Variants in FAM174B observed in about 807,000 individuals in gnomAD.
FAM174B encodes family with sequence similarity 174 member B.
Under a neutral mutation model 10.9 loss-of-function variants are expected in FAM174B, and 12 were observed. The ratio of observed to expected loss-of-function variants is 1.10; its 90% CI spans 0.71 to 1.79. FAM174B has a LOEUF of 1.79. Among genes scored for constraint, FAM174B ranks in the 40% most tolerant of loss-of-function variants. The pLI, the probability that FAM174B is intolerant of heterozygous loss-of-function variation, is 0.00. For synonymous variants in FAM174B, 132 were observed against 115.8 expected (o/e 1.14, Z -0.90); for missense variants, 266 against 233.3 (o/e 1.14, Z -0.91).
intron 1 of FAM174B, among the ~76,000 whole-genome samples, chr15:92,649,796 G>A (rs1022662109): frequency 1.6e-4 from 25 of 152,122 alleles, no homozygotes; most frequent in African/African-American, 4.1e-4. Flanking sequence ...AAAATCCTTC[G>A]GCTTGCTCTC....
intron 1 of FAM174B, among the ~76,000 whole-genome samples, chr15:92,653,826 G>A (rs1010952366): frequency 6.6e-6 from 1 of 152,266 alleles, no homozygotes; most frequent in African/African-American, 2.4e-5. Context: ...CAAGGTACTA[G>A]GCTCAGAAGC....
rs759480115 is a variant in FAM174B, at chr15:92,650,992, T to C, written c.344+4324A>G. Among the ~76,000 whole-genome samples the C allele has an allele frequency of 7.4e-4, 112 of 152,186 alleles. 1 individual carries two copies. The highest frequency in any genetic ancestry group is 2.2e-3 in the Admixed American group (33 of 15,286). On this transcript the variant is annotated intron_variant, in intron 1 of 2. Coordinates refer to ENST00000327355, the MANE Select transcript of FAM174B (RefSeq NM_207446.3). ...TGGTTTGCCTTAATGATGAAATACA[T>C]TTAAAAAGGTGGACGTGATTCTACA...
intron 2 of FAM174B, among the ~76,000 whole-genome samples, chr15:92,629,421 C>A (rs953137525): frequency 5.3e-5 from 8 of 152,190 alleles, no homozygotes; most frequent in Non-Finnish European, 1.0e-4. Flanking sequence ...TGGAGCTCAT[C>A]GGTAAACTCC....
intron 2 of FAM174B, among the ~76,000 whole-genome samples, chr15:92,627,687 T>C (rs1004085492): frequency 5.3e-5 from 8 of 152,216 alleles, no homozygotes; most frequent in Non-Finnish European, 8.8e-5. Context: ...TCACCAAAGA[T>C]TGATGAGACG....
chr15:92,629,089 C>G (rs1227876356), intron 2 of FAM174B, among the ~76,000 whole-genome samples: 2 of 151,940 alleles, frequency 1.3e-5, no homozygotes, highest in African/African-American at 4.8e-5. Context: ...CAAGGACCGC[C>G]AAGGCTGTGC....
chr15:92,631,096 ACG>A (rs1260889326), intron 1 of FAM174B, among the ~76,000 whole-genome samples: 6 of 58,080 alleles, frequency 1.0e-4, no homozygotes, highest in African/African-American at 3.8e-4. Context: ...ATTATATATT[ACG>A]TATTACATAT....
chr15:92,650,351 G>A (rs1418909145), intron 1 of FAM174B, among the ~76,000 whole-genome samples: 2 of 152,150 alleles, frequency 1.3e-5, no homozygotes. Flanking sequence ...ATGTCAGACC[G>A]CTTAGAATTC....
At chr15:92,621,838 G>A (rs2050721641) in intron 2 of FAM174B, among the ~76,000 whole-genome samples, 1 of 152,048 alleles carries the variant, frequency 6.6e-6, no homozygotes, top group African/African-American at 2.4e-5. Flanking sequence ...CTGCAAAGAG[G>A]AAGGGACTAA....
chr15:92,637,993 G>A lies in FAM174B; in HGVS notation c.345-7648C>T, dbSNP rs148147216. Among the ~76,000 whole-genome samples, 278 of 152,320 alleles carry A rather than the reference G, an allele frequency of 1.8e-3. 1 individual carries two copies. In the East Asian group the frequency reaches 0.019, roughly 10 times the overall value. On this transcript the variant is annotated intron_variant, in intron 1 of 2. Transcript: ENST00000327355. ...CCTCAGCTGTGTACTGGGTGGTGCT[G>A]GGGGCCAGTGGGACGGCAGCCTACA...
At chr15:92,637,007 G>A (rs967691084) in intron 1 of FAM174B, among the ~76,000 whole-genome samples, 5 of 152,122 alleles carry the variant, frequency 3.3e-5, no homozygotes, top group South Asian at 2.1e-4. Flanking sequence ...GCCAGCCCAC[G>A]CCCACTTCCT....
At chr15:92,636,014 C>T (rs1391864702) in intron 1 of FAM174B, among the ~76,000 whole-genome samples, 1 of 152,206 alleles carries the variant, frequency 6.6e-6, no homozygotes, top group Non-Finnish European at 1.5e-5. Context: ...ACAGTGGGCT[C>T]AGAGAACAGT....
intron 1 of FAM174B, among the ~76,000 whole-genome samples, chr15:92,654,869 G>A (rs1273911461): frequency 6.6e-6 from 1 of 152,038 alleles, no homozygotes; most frequent in Non-Finnish European, 1.5e-5. Context: ...AAGGGAGAGG[G>A]AGTAGCGAGA....
At chr15:92,624,618 G>A (rs1350326028) in intron 2 of FAM174B, among the ~76,000 whole-genome samples, 4 of 152,208 alleles carry the variant, frequency 2.6e-5, no homozygotes, top group East Asian at 1.9e-4. Flanking sequence ...GCCAAAGCCC[G>A]CAGCATTACA....
Position 92,617,575 on chromosome 15 carries a change from G to A in FAM174B, c.*1881C>T. The A allele has an allele frequency of 1.8e-6, 1 of 563,372 alleles. No individual in the cohort carries two copies. Among genetic ancestry groups the A allele is most frequent in the Non-Finnish European group, 3.1e-6 (1 of 319,324 alleles). 34.9% of individuals were successfully genotyped at this position (563,372 alleles called of 1,614,324 possible). A position where few individuals can be genotyped will look rare whatever the true frequency, so the allele number is the denominator to read the frequency against. On this transcript the variant is annotated 3_prime_UTR_variant, in exon 3 of 3. Transcript: ENST00000327355. ...GCAAGCACCTGGCAGATGGAGCCCG[G>A]GTGTTTCTGCGTAAGGCAGAGGAAT...
chr15:92,654,103 T>C (rs1176528411), intron 1 of FAM174B, among the ~76,000 whole-genome samples: 1 of 152,148 alleles, frequency 6.6e-6, no homozygotes. Context: ...CCTTTCTCCA[T>C]TTTCTCAGAC....
intron 1 of FAM174B, among the ~76,000 whole-genome samples, chr15:92,630,668 AAT>A (rs546979092): frequency 0.013 from 1,873 of 146,988 alleles, 75 homozygotes; most frequent in African/African-American, 0.046. Context: ...CAAGATAAAT[AAT>A]ACACAAATGC....
At chr15:92,627,523 C>G (rs1302947358) in intron 2 of FAM174B, 1 of 153,974 alleles carries the variant, frequency 6.5e-6, no homozygotes, top group African/African-American at 2.4e-5. Flanking sequence ...GGGAAAGGCC[C>G]CTTTTCCCAC....
chr15:92,636,259 A>T (rs1177733762), intron 1 of FAM174B, among the ~76,000 whole-genome samples: 1 of 152,142 alleles, frequency 6.6e-6, no homozygotes, highest in Non-Finnish European at 1.5e-5. Context: ...GGTTGCAACA[A>T]GCCGAGATCT....
intron 2 of FAM174B, chr15:92,620,142 CA>C (rs1456243957): frequency 6.6e-6 from 1 of 152,236 alleles, no homozygotes; most frequent in African/African-American, 2.4e-5. Flanking sequence ...GAGCTTGAGA[CA>C]AAAGCCACAT....
Sources: allele counts gnomAD v4.1 joint callset (sites outside exome capture counted in the v4.1 genomes callset), GRCh38; gene constraint gnomAD v4.1.1; transcripts MANE v1.5; gene names NCBI Gene and HGNC (gene_info 2026-07-23, HGNC 2026-07-21).